Variants in RBFOX1 observed in about 807,000 individuals in gnomAD.
RBFOX1 encodes the protein RNA binding protein fox-1 homolog 1.
A neutral mutation model predicts 57.7 loss-of-function variants in RBFOX1; 8 were observed. The ratio of observed to expected loss-of-function variants is 0.14; its 90% CI spans 0.08 to 0.25. The LOEUF is 0.25. RBFOX1 is among the 10% of genes least tolerant of loss of function. The probability of loss-of-function intolerance (pLI) is 1.00; values close to 1 mark genes in which losing one functional copy is unlikely to be tolerated. For synonymous variants in RBFOX1, 326 were observed against 222.4 expected, an observed-to-expected ratio of 1.47 and a Z score of -4.15; for missense variants, 611 against 548.5, an observed-to-expected ratio of 1.11 and a Z score of -1.14.
rs867068380 is a variant in RBFOX1 at position 7,229,655 on chromosome 16, G to A, written c.27+177557G>A. Among the ~76,000 whole-genome samples, 182 of 87,990 alleles carry A rather than the reference G, an allele frequency of 2.1e-3. 3 individuals carry two copies. The highest frequency in any genetic ancestry group is 3.2e-3 in the East Asian group (10 of 3,126). 57.7% of individuals were successfully genotyped at this position (87,990 alleles called of 152,430 possible). ...GGAAGGGAAGGAAGGGAGAGAGAGG[G>A]AGGAAGGGCAAAGGAAGTAAGGGAG... On this transcript the variant is annotated intron_variant, in intron 4 of 15. Transcript: ENST00000550418.
chr16:6,696,345 G>C lies in RBFOX1; in HGVS notation c.-16+41695G>C, dbSNP rs925312163. On this transcript the variant is annotated intron_variant, in intron 3 of 15. Coordinates refer to ENST00000550418, the MANE Select transcript of RBFOX1 (RefSeq NM_018723.4). ...AGTTTTCTTTGGAAAAAAAAATTTA[G>C]ACTAGCACTTTCTTTATAATATGCA... is the stretch of plus-strand genomic sequence containing the variant. Among the ~76,000 whole-genome samples the C allele has an allele frequency of 3.3e-5, 5 of 152,038 alleles. No individual in the cohort carries two copies. In the East Asian group the frequency reaches 9.7e-4, roughly 29 times the overall value.
intron 4 of RBFOX1, among the ~76,000 whole-genome samples, chr16:7,312,931 C>T (rs889433103): frequency 2.0e-5 from 3 of 151,928 alleles, no homozygotes; most frequent in Non-Finnish European, 4.4e-5. Flanking sequence ...CCCCAGGGTG[C>T]CTGGGTGCTT....
intron 1 of RBFOX1, among the ~76,000 whole-genome samples, chr16:5,344,589 G>A (rs2065100419): frequency 6.6e-6 from 1 of 152,030 alleles, no homozygotes; most frequent in African/African-American, 2.4e-5. Context: ...TTTCCTTCTT[G>A]GGATGTTTTT....
intron 4 of RBFOX1, among the ~76,000 whole-genome samples, chr16:7,409,303 T>G (rs2098398069): frequency 6.6e-6 from 1 of 152,192 alleles, no homozygotes; most frequent in South Asian, 2.1e-4. Context: ...TTCTGAACCG[T>G]TCAGTAACAG....
At chr16:7,370,701 G>C (rs1183972660) in intron 4 of RBFOX1, among the ~76,000 whole-genome samples, 1 of 152,224 alleles carries the variant, frequency 6.6e-6, no homozygotes, top group African/African-American at 2.4e-5. Flanking sequence ...ATTTGAAAGG[G>C]ACTTGTGAAC....
intron 3 of RBFOX1, among the ~76,000 whole-genome samples, chr16:6,764,623 T>C (rs1396311650): frequency 6.6e-6 from 1 of 152,012 alleles, no homozygotes; most frequent in Non-Finnish European, 1.5e-5. Flanking sequence ...ACAAAACAAT[T>C]AGAGATGATA....
intron 1 of RBFOX1, among the ~76,000 whole-genome samples, chr16:6,249,787 T>TTTG (rs397711742): frequency 2.6e-5 from 4 of 151,192 alleles, no homozygotes; most frequent in African/African-American, 9.7e-5. Flanking sequence ...TTTTTTTTTT[T>TTTG]ATTATACTTT....
intron 4 of RBFOX1, among the ~76,000 whole-genome samples, chr16:7,426,831 C>T (rs1455721227): frequency 6.6e-6 from 1 of 152,134 alleles, no homozygotes; most frequent in Non-Finnish European, 1.5e-5. Context: ...GTCTGGGGGA[C>T]AGGTCCTTGG....
intron 1 of RBFOX1, among the ~76,000 whole-genome samples, chr16:6,027,108 G>T (rs2095211558): frequency 6.6e-6 from 1 of 152,206 alleles, no homozygotes; most frequent in African/African-American, 2.4e-5. Flanking sequence ...AATATAGAGT[G>T]TCAGAGATGA....
chr16:5,536,756 G>A (rs982363931), intron 2 of RBFOX1, among the ~76,000 whole-genome samples: 5 of 151,856 alleles, frequency 3.3e-5, no homozygotes, highest in Admixed American at 3.3e-4. Context: ...TTGAATGAGG[G>A]ATGTAACATC....
rs115145453 is a variant in RBFOX1, at chr16:5,651,526, G to A, written c.318+52565G>A. On this transcript the variant is annotated intron_variant, in intron 3 of 19. Transcript: ENST00000641259. ...AGGTTGCCTTTGGGACCTGGATCAG[G>A]TTTCACCCTCCCAGGGTTGTCAGGA... Among the ~76,000 whole-genome samples, 1,476 of 152,198 alleles carry A rather than the reference G, an allele frequency of 9.7e-3. 22 individuals carry two copies. The highest frequency in any genetic ancestry group is 0.034 in the African/African-American group (1,407 of 41,498).
chr16:6,856,432 C>A (rs117926330), intron 3 of RBFOX1, among the ~76,000 whole-genome samples: 1,787 of 152,194 alleles, frequency 0.012, 21 homozygotes, highest in Non-Finnish European at 0.019. Flanking sequence ...TGATCCCACT[C>A]AGGAGACAGC....
At chr16:6,347,523 G>T (rs1353699837) in intron 2 of RBFOX1, among the ~76,000 whole-genome samples, 3 of 152,196 alleles carry the variant, frequency 2.0e-5, no homozygotes, top group Non-Finnish European at 2.9e-5. Flanking sequence ...TGTCAATCAT[G>T]GGGCGCTGTG....
chr16:7,597,412 C>G lies in RBFOX1; in HGVS notation c.603C>G (p.Thr201=). The change falls in exon 9 of 16, where the codon ACC becomes ACG. Residue 201 remains threonine, a synonymous_variant. Transcript: ENST00000550418. The part of the protein sequence containing the change: ...ATARVMTNKK[T]VNPYTNGWKL... Reference sequence around the variant, plus strand: ...CACGTGTAATGACAAATAAAAAGACCGTCAACCCTTATACAAATGGTAAGT... The same window carrying G: ...CACGTGTAATGACAAATAAAAAGACGGTCAACCCTTATACAAATGGTAAGT... The G allele has an allele frequency of 6.2e-7, 1 of 1,610,090 alleles. No homozygotes were observed. The highest frequency in any genetic ancestry group is 1.1e-5 in the South Asian group (1 of 90,712).
intron 3 of RBFOX1, among the ~76,000 whole-genome samples, chr16:6,842,860 C>G (rs2093559201): frequency 6.6e-6 from 1 of 151,978 alleles, no homozygotes; most frequent in African/African-American, 2.4e-5. Context: ...TGTGATGTTC[C>G]CCTCCCTGTG....
At chr16:6,539,077 G>C (rs2096774941) in intron 2 of RBFOX1, among the ~76,000 whole-genome samples, 1 of 151,916 alleles carries the variant, frequency 6.6e-6, no homozygotes, top group African/African-American at 2.4e-5. Flanking sequence ...TCTCTGCAAG[G>C]CTGACTCCTT....
At chr16:6,320,677 G>A (rs2081662175) in intron 2 of RBFOX1, among the ~76,000 whole-genome samples, 1 of 151,918 alleles carries the variant, frequency 6.6e-6, no homozygotes, top group Non-Finnish European at 1.5e-5. Context: ...GTTCAATATG[G>A]TTACCAGCAG....
At chr16:5,662,692 G>T (rs529810620) in intron 3 of RBFOX1, among the ~76,000 whole-genome samples, 1 of 152,146 alleles carries the variant, frequency 6.6e-6, no homozygotes, top group Non-Finnish European at 1.5e-5. Context: ...GGAATTTTTT[G>T]AATGTTTCTA....
At chr16:7,697,400 C>A (rs753605210) in intron 14 of RBFOX1, among the ~76,000 whole-genome samples, 1 of 152,126 alleles carries the variant, frequency 6.6e-6, no homozygotes, top group Non-Finnish European at 1.5e-5. Context: ...GGAAAGCAAA[C>A]CCTTTATCCC....
Sources: gnomAD v4.1 joint callset for allele counts (sites outside exome capture counted in the v4.1 genomes callset) on GRCh38, gnomAD v4.1.1 for gene constraint, MANE v1.5 for transcripts, NCBI Gene and HGNC (gene_info 2026-07-23, HGNC 2026-07-21) for gene names.